The following COL19A1 variants were observed in gnomAD, a reference collection of about 807,000 sequenced individuals.
COL19A1 encodes the protein collagen alpha-1(XIX) chain.
COL19A1 carries 159 observed loss-of-function variants against 190.2 expected under a neutral mutation model. The observed-to-expected ratio is 0.84, with a 90% confidence interval of 0.73 to 0.95. COL19A1 has a LOEUF of 0.95. Among genes scored for constraint, COL19A1 ranks in the 40% least tolerant of loss-of-function variants. The probability of loss-of-function intolerance (pLI) is 0.00; values close to 1 mark genes in which losing one functional copy is unlikely to be tolerated. For synonymous variants in COL19A1, 509 were observed against 458.9 expected (o/e 1.11, Z -1.39); for missense variants, 1,418 against 1,431.9 (o/e 0.99, Z 0.16).
intron 15 of COL19A1, among the ~76,000 whole-genome samples, chr6:70,093,270 A>T (rs558249578): frequency 6.6e-6 from 1 of 152,240 alleles, no homozygotes; most frequent in East Asian, 1.9e-4. Flanking sequence ...CGTTTTCACA[A>T]TGAGCTTTCA....
intron 14 of COL19A1, among the ~76,000 whole-genome samples, chr6:70,061,144 T>G (rs1582810100): frequency 6.6e-6 from 1 of 152,156 alleles, no homozygotes; most frequent in East Asian, 1.9e-4. Context: ...TAAATAATCC[T>G]CCCAGAATTT....
intron 16 of COL19A1, among the ~76,000 whole-genome samples, chr6:70,115,115 A>T (rs1784488928): frequency 6.6e-6 from 1 of 152,210 alleles, no homozygotes; most frequent in Non-Finnish European, 1.5e-5. Flanking sequence ...CAGTCTGCAG[A>T]GTCCTCAGCC....
chr6:69,962,261 C>G (rs879876235), intron 10 of COL19A1, among the ~76,000 whole-genome samples: 1 of 152,132 alleles, frequency 6.6e-6, no homozygotes, highest in South Asian at 2.1e-4. Context: ...GCCAGCAGCC[C>G]TCCAACCACC....
At chr6:70,024,473 A>G (rs551464329) in intron 12 of COL19A1, among the ~76,000 whole-genome samples, 1 of 152,168 alleles carries the variant, frequency 6.6e-6, no homozygotes, top group South Asian at 2.1e-4. Context: ...GTGAGACTAT[A>G]TCTAGCTCCC....
At chr6:70,152,198 T>C (rs1787106776) in intron 31 of COL19A1, among the ~76,000 whole-genome samples, 1 of 152,114 alleles carries the variant, frequency 6.6e-6, no homozygotes, top group Admixed American at 6.6e-5. Context: ...GTGTGTTGTA[T>C]CTGTCTTTGT....
intron 49 of COL19A1, among the ~76,000 whole-genome samples, chr6:70,203,908 G>A (rs539233796): frequency 6.6e-6 from 1 of 151,492 alleles, no homozygotes; most frequent in East Asian, 1.9e-4. Context: ...TGCCTAGGCT[G>A]GAGTGCAATG....
chr6:69,997,014 C>CATACAT (rs1554186375), intron 11 of COL19A1, among the ~76,000 whole-genome samples: 2 of 142,692 alleles, frequency 1.4e-5, no homozygotes, highest in Admixed American at 1.4e-4. Flanking sequence ...TTTATATATA[C>CATACAT]ATATATATAT....
intron 12 of COL19A1, among the ~76,000 whole-genome samples, chr6:70,032,921 T>C (rs1378657268): frequency 6.6e-6 from 1 of 152,184 alleles, no homozygotes; most frequent in Non-Finnish European, 1.5e-5. Context: ...TCTGGAAACA[T>C]GTATAAATAG....
chr6:70,071,762 C>A (rs747115463), intron 15 of COL19A1, among the ~76,000 whole-genome samples: 1 of 151,690 alleles, frequency 6.6e-6, no homozygotes, highest in Non-Finnish European at 1.5e-5. Flanking sequence ...TGGGGGCCTT[C>A]CTGGAAGTTA....
At position 70,171,963 on chromosome 6, in the gene COL19A1, G is replaced by T; in HGVS notation, c.2569-1G>T. 1.2e-6 allele frequency: 2 copies of T among 1,612,720 alleles called. No homozygotes were observed. The highest frequency in any genetic ancestry group is 1.7e-6 in the Non-Finnish European group (2 of 1,179,390). ...GCATTTCTTATGTTCATATTTAACA[G>T]GGAGAGCCTGGTGCAATGGGGTTGC... On this transcript the variant is annotated splice_acceptor_variant, in intron 40 of 50. Transcript: ENST00000620364. LOFTEE classifies it high-confidence loss of function.
At chr6:70,098,580 C>A in intron 15 of COL19A1, 1 of 425,570 alleles carries the variant, frequency 2.3e-6, no homozygotes, top group South Asian at 2.0e-5. Flanking sequence ...CCACATTTGC[C>A]ACAGGATGAC....
chr6:70,171,549 A>T lies in COL19A1; in HGVS notation c.2569-415A>T, dbSNP rs572707531. 7.6e-4 allele frequency among the ~76,000 whole-genome samples: 116 copies of T among 152,316 alleles called. 2 individuals carry two copies. Among genetic ancestry groups the T allele is most frequent in the Non-Finnish European group, 1.9e-4 (13 of 68,026 alleles). On this transcript the variant is annotated intron_variant, in intron 40 of 50. Coordinates refer to ENST00000620364, the MANE Select transcript of COL19A1 (RefSeq NM_001858.6). ...CTTAAAGATGATAAACACTGCTTTG[A>T]GTGCTCCATCTTCATCTACTCTTAA... is the stretch of plus-strand genomic sequence containing the variant.
chr6:69,867,004 G>C (rs1767489720), intron 1 of COL19A1, among the ~76,000 whole-genome samples: 1 of 152,080 alleles, frequency 6.6e-6, no homozygotes, highest in Admixed American at 6.5e-5. Context: ...CTGCTGATGC[G>C]GGTAGGGACA....
chr6:70,029,410 G>C (rs535837394), intron 12 of COL19A1, among the ~76,000 whole-genome samples: 2 of 152,216 alleles, frequency 1.3e-5, no homozygotes, highest in Admixed American at 6.5e-5. Flanking sequence ...ATTACATGTA[G>C]AATCAACTAC....
At position 69,877,731 on chromosome 6, in the gene COL19A1, G is replaced by A. The variant is rs112503710; in HGVS notation, c.-32-1805G>A. On this transcript the variant is annotated intron_variant, in intron 1 of 50. Transcript: ENST00000620364. Reference sequence around the variant, plus strand: ...TTAAACAACTGGATTAAAAAAATGGGCAAAGGAGGCTGGGCATGGTGGCTC... The same window carrying A: ...TTAAACAACTGGATTAAAAAAATGGACAAAGGAGGCTGGGCATGGTGGCTC... Among the ~76,000 whole-genome samples the A allele has an allele frequency of 6.8e-3, 1,037 of 152,086 alleles. 12 individuals are homozygous for A. The highest frequency in any genetic ancestry group is 0.024 in the African/African-American group (984 of 41,492).
At chr6:69,922,009 T>C (rs1005942986) in intron 4 of COL19A1, among the ~76,000 whole-genome samples, 4 of 152,118 alleles carry the variant, frequency 2.6e-5, no homozygotes, top group Non-Finnish European at 5.9e-5. Context: ...TCATTATATC[T>C]CTCTGGTAAC....
intron 1 of COL19A1, 66 bp downstream of exon 1, chr6:69,866,706 C>G (rs913400448): frequency 1.3e-5 from 2 of 152,272 alleles, no homozygotes; most frequent in African/African-American, 4.8e-5. Flanking sequence ...GCTATGTCAT[C>G]TGCTCGTGTT....
chr6:70,063,128 G>T (rs1780949455), intron 14 of COL19A1, among the ~76,000 whole-genome samples: 1 of 152,104 alleles, frequency 6.6e-6, no homozygotes, highest in Admixed American at 6.6e-5. Flanking sequence ...GCACCAAGCA[G>T]ACCTAATACA....
rs1175353831 is a variant in COL19A1 at position 69,921,443 on chromosome 6, A to T, written c.267-6466A>T. Among the ~76,000 whole-genome samples the T allele has an allele frequency of 1.7e-3, 157 of 90,016 alleles. 10 individuals are homozygous for T. The highest frequency in any genetic ancestry group is 9.9e-3 in the African/African-American group (153 of 15,476). The allele number at this position is 90,016 out of a possible 152,430, so 59.1% of individuals were successfully genotyped here. On this transcript the variant is annotated intron_variant, in intron 4 of 50. Transcript: ENST00000620364. ...CATATATATCATATATATCATATAT[A>T]TCATATATCATATATATCATATATA...
Sources: allele counts gnomAD v4.1 joint callset (sites outside exome capture counted in the v4.1 genomes callset), GRCh38; gene constraint gnomAD v4.1.1; transcripts MANE v1.5; gene names NCBI Gene and HGNC (gene_info 2026-07-23, HGNC 2026-07-21).